SULF1: variants seen among roughly 807,000 people sequenced by gnomAD.
SULF1 encodes the protein extracellular sulfatase Sulf-1.
Under a neutral mutation model 110.5 loss-of-function variants are expected in SULF1, and 46 were observed. The observed-to-expected ratio is 0.42, with a 90% CI of 0.33 to 0.53. The LOEUF is 0.53. Among genes scored for constraint, SULF1 ranks in the 20% least tolerant of loss-of-function variants. The pLI, the probability that SULF1 is intolerant of heterozygous loss-of-function variation, is 0.12. For synonymous variants in SULF1, 371 were observed against 387.1 expected (o/e 0.96, Z 0.49); for missense variants, 941 against 1,094.2 (o/e 0.86, Z 1.98).
chr8:69,586,804 C>T lies in SULF1; in HGVS notation c.564+296C>T, dbSNP rs1158972096. ...ATAATTTTTGTCCTCCCAGTTCCCCCGGACCCAACCAAGGACTTGTCCACA... is the reference window on the plus strand; with the variant it reads ...ATAATTTTTGTCCTCCCAGTTCCCCTGGACCCAACCAAGGACTTGTCCACA... On this transcript the variant is annotated intron_variant, in intron 7 of 22. Transcript: ENST00000402687. Among the ~76,000 whole-genome samples the T allele has an allele frequency of 1.2e-3, 181 of 152,258 alleles. 5 individuals are homozygous for T. The highest frequency in any genetic ancestry group is 8.8e-5 in the Non-Finnish European group (6 of 68,016).
chr8:69,599,900 C>T (rs1807654026), intron 8 of SULF1, among the ~76,000 whole-genome samples: 1 of 152,120 alleles, frequency 6.6e-6, no homozygotes, highest in Non-Finnish European at 1.5e-5. Context: ...TAAATATAGA[C>T]TTGAACTAAC....
rs536073966 is a variant in SULF1, at chr8:69,649,972, C to CT, written c.2586-8496dup. On this transcript the variant is annotated intron_variant, in intron 22 of 22. Coordinates refer to ENST00000402687, the MANE Select transcript of SULF1 (RefSeq NM_001128205.2). Reference sequence around the variant, plus strand: ...CCCACTCTGTAATTCCTCCTGCTTGCTTTTTTTTTTTTTTTTTTTTTTTTT... The same window carrying CT: ...CCCACTCTGTAATTCCTCCTGCTTGCTTTTTTTTTTTTTTTTTTTTTTTTTT... 1.2e-3 allele frequency among the ~76,000 whole-genome samples: 38 copies of CT among 30,586 alleles called. 17 individuals are homozygous for CT. The highest frequency in any genetic ancestry group is 2.0e-3 in the Non-Finnish European group (30 of 15,146). The allele number at this position is 30,586 out of a possible 152,430, so 20.1% of individuals were successfully genotyped here.
At chr8:69,510,477 A>T (rs1008348424) in intron 3 of SULF1, among the ~76,000 whole-genome samples, 2 of 152,234 alleles carry the variant, frequency 1.3e-5, no homozygotes, top group African/African-American at 4.8e-5. Context: ...TTTCAAATGT[A>T]TAAAGGGCCC....
chr8:69,522,009 GA>G (rs912244812), intron 3 of SULF1, among the ~76,000 whole-genome samples: 44 of 151,226 alleles, frequency 2.9e-4, no homozygotes, highest in African/African-American at 1.0e-3. Flanking sequence ...AGAAAGAAAG[GA>G]AGACAGAGAG....
chr8:69,621,503 A>G (rs547167745), intron 14 of SULF1, among the ~76,000 whole-genome samples: 2 of 152,362 alleles, frequency 1.3e-5, no homozygotes, highest in African/African-American at 4.8e-5. Context: ...ACATATGCAC[A>G]CATAAAAGAG....
In SULF1 at chr8:69,480,432, G is replaced by A. The variant is rs533430707; in HGVS notation, c.-391+13482G>A. Among the ~76,000 whole-genome samples, 11 of 152,262 alleles carry A rather than the reference G, an allele frequency of 7.2e-5. No homozygotes were observed. In the South Asian group the frequency reaches 1.5e-3, roughly 20 times the overall value. ...AATATACCATATTTGGTCAATATTA[G>A]GGATACCTATTGCATTAGAACAGTT... On this transcript the variant is annotated intron_variant, in intron 1 of 22. Coordinates refer to the SULF1 transcript ENST00000260128.
At chr8:69,507,383 A>G (rs916823526) in intron 3 of SULF1, among the ~76,000 whole-genome samples, 11 of 152,180 alleles carry the variant, frequency 7.2e-5, no homozygotes, top group African/African-American at 2.4e-4. Context: ...CATTTGATCT[A>G]TGTTGATCTT....
chr8:69,632,954 A>G (rs947207080), intron 19 of SULF1, among the ~76,000 whole-genome samples: 3 of 151,542 alleles, frequency 2.0e-5, no homozygotes, highest in African/African-American at 7.3e-5. Context: ...TGAGCATGGG[A>G]GGTGAAGGCT....
At position 69,589,116 on chromosome 8, in the gene SULF1, C is replaced by T. The variant is rs762154377; in HGVS notation, c.709C>T (p.Leu237=). 2 of 1,613,946 alleles carry T rather than the reference C, an allele frequency of 1.2e-6. No homozygotes were observed. The highest frequency in any genetic ancestry group is 2.7e-5 in the African/African-American group (2 of 74,934). The change falls in exon 8 of 23, where the codon CTG becomes TTG. Residue 237 remains leucine (L), a synonymous_variant. Coordinates refer to ENST00000402687, the MANE Select transcript of SULF1 (RefSeq NM_001128205.2). ...GGACTCAGCCCCACAGTTTTCTAAACTGTACCCCAATGCTTCCCAACACAT... is the reference window on the plus strand; with the variant it reads ...GGACTCAGCCCCACAGTTTTCTAAATTGTACCCCAATGCTTCCCAACACAT... ...PEDSAPQFSK[L]YPNASQHITP...
rs368808190 is a variant in SULF1, at chr8:69,542,102, A to T, written c.-133-21437A>T. Among the ~76,000 whole-genome samples, 11 of 152,266 alleles carry T rather than the reference A, an allele frequency of 7.2e-5. No individual in the cohort carries two copies. The East Asian group carries it at 1.7e-3, about 24-fold the overall frequency. On this transcript the variant is annotated intron_variant, in intron 3 of 22. Transcript: ENST00000402687. ...GTCTGGAGGATAGGCATGTCCCCTA[A>T]CACCTTCTTCCCAGAGAGCTGGTGA...
rs557362815 is a variant in SULF1 at position 69,554,407 on chromosome 8, A to G, written c.-133-9132A>G. On this transcript the variant is annotated intron_variant, in intron 3 of 22. Coordinates refer to ENST00000402687, the MANE Select transcript of SULF1 (RefSeq NM_001128205.2). ...ATATAAGTAACACTTTAGGATGCTA[A>G]TGTGGCTCTTAAAATTTTCATTCTA... is the stretch of plus-strand genomic sequence containing the variant. Among the ~76,000 whole-genome samples the G allele has an allele frequency of 7.9e-5, 12 of 152,342 alleles. No individual in the cohort carries two copies. The East Asian group carries it at 2.3e-3, about 29-fold the overall frequency.
chr8:69,476,061 A>G (rs1586190988), intron 1 of SULF1, among the ~76,000 whole-genome samples: 2 of 152,288 alleles, frequency 1.3e-5, no homozygotes, highest in Admixed American at 1.3e-4. Context: ...GTGGAGCGGA[A>G]CATGAAATTT....
At chr8:69,510,779 G>T (rs560602038) in intron 3 of SULF1, among the ~76,000 whole-genome samples, 1 of 151,982 alleles carries the variant, frequency 6.6e-6, no homozygotes, top group South Asian at 2.1e-4. Context: ...ACCATGCCTG[G>T]CTAATTTTTA....
chr8:69,606,880 G>C (rs1174969578), intron 13 of SULF1, among the ~76,000 whole-genome samples: 2 of 152,194 alleles, frequency 1.3e-5, no homozygotes, highest in East Asian at 3.8e-4. Context: ...CGTCAGCAAT[G>C]GTCTCTTTTA....
chr8:69,622,817 C>A (rs543589942), intron 14 of SULF1, among the ~76,000 whole-genome samples: 1 of 152,186 alleles, frequency 6.6e-6, no homozygotes, highest in South Asian at 2.1e-4. Flanking sequence ...GAGCAGGAGT[C>A]GGTTTTCACC....
At position 69,492,993 on chromosome 8, in the gene SULF1, C is replaced by G. The variant is rs556204514; in HGVS notation, c.-523C>G. ...CCGGCTGCCGGCGCTCCTCGGAGGT[C>G]AGGGCAGATGAGGAACATGACTCTC... On this transcript the variant is annotated 5_prime_UTR_variant, in exon 1 of 23. Coordinates refer to ENST00000402687, the MANE Select transcript of SULF1 (RefSeq NM_001128205.2). 3.9e-5 allele frequency: 6 copies of G among 152,606 alleles called. No homozygotes were observed. Among genetic ancestry groups the G allele is most frequent in the African/African-American group, 9.7e-5 (4 of 41,428 alleles). The allele number at this position is 152,606 out of a possible 1,614,324, so 9.5% of individuals were successfully genotyped here.
intron 3 of SULF1, among the ~76,000 whole-genome samples, chr8:69,547,532 G>A (rs895378757): frequency 2.0e-5 from 3 of 152,134 alleles, no homozygotes; most frequent in Non-Finnish European, 2.9e-5. Flanking sequence ...CTTGACTGGC[G>A]AAAATGGCTC....
chr8:69,606,581 G>C (rs1808236719), intron 13 of SULF1, among the ~76,000 whole-genome samples: 2 of 152,144 alleles, frequency 1.3e-5, no homozygotes, highest in African/African-American at 4.8e-5. Context: ...AAGGTACACT[G>C]CCTACATTTC....
chr8:69,472,046 G>T (rs1299597184), intron 1 of SULF1, among the ~76,000 whole-genome samples: 1 of 152,008 alleles, frequency 6.6e-6, no homozygotes, highest in Admixed American at 6.6e-5. Context: ...GGCATTTAGG[G>T]ATTTGGAGCA....
Sources: gnomAD v4.1 joint callset for allele counts (sites outside exome capture counted in the v4.1 genomes callset) on GRCh38, gnomAD v4.1.1 for gene constraint, MANE v1.5 for transcripts, NCBI Gene and HGNC (gene_info 2026-07-23, HGNC 2026-07-21) for gene names.